TFPI: variants seen among roughly 807,000 people sequenced by gnomAD.
TFPI encodes anti-convertin.
Under a neutral mutation model 34.6 loss-of-function variants are expected in TFPI, and 15 were observed. That is an observed-to-expected ratio of 0.43 (90% CI 0.29 to 0.67). The LOEUF (loss-of-function observed/expected upper bound fraction) is 0.67, where lower values mean the gene tolerates loss of function less well. Among genes scored for constraint, TFPI ranks in the 30% least tolerant of loss-of-function variants. The pLI is 0.15. For missense variants in TFPI, 301 were observed against 364.0 expected (o/e 0.83, Z 1.41); for synonymous variants, 105 against 120.1 (o/e 0.87, Z 0.82).
At chr2:187,488,698 A>ATTCATAT (rs1262106060) in intron 3 of TFPI, among the ~76,000 whole-genome samples, 1 of 151,480 alleles carries the variant, frequency 6.6e-6, no homozygotes, top group African/African-American at 2.4e-5. Context: ...TATTTTAAAA[A>ATTCATAT]TGTGAAATAT....
intron 1 of TFPI, chr2:187,544,567 G>A (rs1688754343): frequency 6.6e-6 from 1 of 152,074 alleles, no homozygotes; most frequent in South Asian, 2.1e-4. Context: ...CTTGAGCCCA[G>A]GGGGCGAAGG....
chr2:187,543,794 G>T (rs533592313), intron 1 of TFPI, among the ~76,000 whole-genome samples: 1 of 152,276 alleles, frequency 6.6e-6, no homozygotes, highest in Non-Finnish European at 1.5e-5. Context: ...TGGGGATGGG[G>T]TGATTTTGAA....
In TFPI at chr2:187,540,441, G is replaced by A. The variant is rs752873595; in HGVS notation, c.-3+13759C>T. On this transcript the variant is annotated intron_variant, in intron 1 of 7. Coordinates refer to ENST00000233156, the MANE Select transcript of TFPI (RefSeq NM_006287.6). Reference sequence around the variant, plus strand: ...GGAAGGAAATAGTATTTTGAAGATAGATCCTTGGTAAAGTGAAATATCAAA... The same window carrying A: ...GGAAGGAAATAGTATTTTGAAGATAAATCCTTGGTAAAGTGAAATATCAAA... 9.0e-4 allele frequency among the ~76,000 whole-genome samples: 137 copies of A among 152,130 alleles called. 2 individuals carry two copies. Among genetic ancestry groups the A allele is most frequent in the Non-Finnish European group, 2.9e-4 (20 of 68,016 alleles).
chr2:187,535,895 G>A (rs760387752), intron 1 of TFPI, among the ~76,000 whole-genome samples: 7 of 152,138 alleles, frequency 4.6e-5, no homozygotes, highest in African/African-American at 1.7e-4. Context: ...AAATGATAAA[G>A]TGGATATCAC....
At chr2:187,471,028 A>G (rs1296010554) in intron 6 of TFPI, among the ~76,000 whole-genome samples, 1 of 152,250 alleles carries the variant, frequency 6.6e-6, no homozygotes, top group African/African-American at 2.4e-5. Flanking sequence ...AACACTAGAA[A>G]TGGCAATATT....
chr2:187,525,694 T>A (rs1687641079), intron 1 of TFPI, among the ~76,000 whole-genome samples: 1 of 152,106 alleles, frequency 6.6e-6, no homozygotes, highest in Admixed American at 6.6e-5. Context: ...CCAATATGAC[T>A]GGTATCCTTA....
At chr2:187,535,973 GA>G (rs1400106294) in intron 1 of TFPI, among the ~76,000 whole-genome samples, 1 of 152,070 alleles carries the variant, frequency 6.6e-6, no homozygotes, top group Non-Finnish European at 1.5e-5. Context: ...AAATAAACTA[GA>G]AAATCTAGAA....
At position 187,478,778 on chromosome 2, in the gene TFPI, A is replaced by G. The variant is rs1172109770; in HGVS notation, c.628+5346T>C. 5 of 1,613,268 alleles carry G rather than the reference A, an allele frequency of 3.1e-6. No homozygotes were observed. In the African/African-American group the frequency reaches 5.3e-5, roughly 17 times the overall value. On this transcript the variant is annotated intron_variant, in intron 6 of 7. Transcript: ENST00000233156. ...GGTAAATATGAGCCGCATTCTTCCAACCATCATTTGTTCCTTCTTTTGTAA... is the reference window on the plus strand; with the variant it reads ...GGTAAATATGAGCCGCATTCTTCCAGCCATCATTTGTTCCTTCTTTTGTAA...
intron 6 of TFPI, among the ~76,000 whole-genome samples, chr2:187,468,529 T>C (rs574027558): frequency 1.4e-5 from 2 of 147,042 alleles, no homozygotes; most frequent in East Asian, 2.3e-4. Context: ...TTTGTCTTGG[T>C]AGCATTTTTT....
chr2:187,484,732 T>C, intron 5 of TFPI, 79 bp downstream of exon 5: 1 of 1,330,714 alleles, frequency 7.5e-7, no homozygotes, highest in Admixed American at 2.7e-5. Flanking sequence ...AAAACCTGAG[T>C]ATAGAATGCC....
In TFPI at chr2:187,533,478, C is replaced by T. The variant is rs1221726697; in HGVS notation, c.-3+20722G>A. ...GCAGACCTGCAGCGGAGGGACCTGA[C>T]TGTTAAAAGGAAAACTAACAAACAG... On this transcript the variant is annotated intron_variant, in intron 1 of 7. Transcript: ENST00000233156. Among the ~76,000 whole-genome samples the T allele has an allele frequency of 3.9e-5, 6 of 152,316 alleles. No individual in the cohort carries two copies. In the South Asian group the frequency reaches 8.3e-4, roughly 21 times the overall value.
intron 1 of TFPI, among the ~76,000 whole-genome samples, chr2:187,505,217 CATCACACAGTTCA>C (rs1183184109): frequency 6.6e-6 from 1 of 152,060 alleles, no homozygotes; most frequent in African/African-American, 2.4e-5. Flanking sequence ...GTGTACTCTG[CATCACACAGTTCA>C]GGAAGCAGGC....
At chr2:187,488,502 AT>A (rs1693457519) in intron 3 of TFPI, 127 bp from the exon 4 acceptor site, 1 of 519,660 alleles carries the variant, frequency 1.9e-6, no homozygotes, top group African/African-American at 2.0e-5. Flanking sequence ...GAATGTCTTA[AT>A]AAAAATTGAA....
chr2:187,532,489 CCTCCCCT>C (rs1306786946), intron 1 of TFPI, among the ~76,000 whole-genome samples: 3 of 152,208 alleles, frequency 2.0e-5, no homozygotes, highest in African/African-American at 7.2e-5. Context: ...CAGGGAACTC[CCTCCCCT>C]AGCCAAGGGA....
At chr2:187,547,333 T>TA (rs1398513829) in intron 1 of TFPI, 1 of 152,220 alleles carries the variant, frequency 6.6e-6, no homozygotes, top group African/African-American at 2.4e-5. Flanking sequence ...AAATATTAGC[T>TA]AAAATTTTTA....
chr2:187,495,467 G>A (rs1461394784), intron 3 of TFPI, among the ~76,000 whole-genome samples: 5 of 152,186 alleles, frequency 3.3e-5, no homozygotes, highest in Non-Finnish European at 7.3e-5. Flanking sequence ...GCACCACTGA[G>A]GACCACTGAG....
intron 3 of TFPI, among the ~76,000 whole-genome samples, chr2:187,495,016 C>A (rs2106074187): frequency 6.6e-6 from 1 of 152,268 alleles, no homozygotes; most frequent in Non-Finnish European, 1.5e-5. Flanking sequence ...AGCCACTGCA[C>A]CCAGCCTCAA....
At chr2:187,482,436 A>G (rs1331970747) in intron 6 of TFPI, among the ~76,000 whole-genome samples, 1 of 152,120 alleles carries the variant, frequency 6.6e-6, no homozygotes, top group Non-Finnish European at 1.5e-5. Flanking sequence ...TTTTTCAGAT[A>G]AGTCAGAATC....
intron 3 of TFPI, among the ~76,000 whole-genome samples, chr2:187,495,082 A>T (rs992259846): frequency 6.6e-6 from 1 of 152,208 alleles, no homozygotes; most frequent in African/African-American, 2.4e-5. Context: ...TTTACATGCT[A>T]GCCAGAAATG....
Sources: allele counts gnomAD v4.1 joint callset (sites outside exome capture counted in the v4.1 genomes callset), GRCh38; gene constraint gnomAD v4.1.1; transcripts MANE v1.5; gene names NCBI Gene and HGNC (gene_info 2026-07-23, HGNC 2026-07-21).